The following DPH6 variants were observed in gnomAD, a reference collection of about 807,000 sequenced individuals.
DPH6 encodes the protein diphthamine biosynthesis 6.
In DPH6, 33 loss-of-function variants were observed where a neutral mutation model predicts 38.2. The ratio of observed to expected loss-of-function variants is 0.86; its 90% confidence interval spans 0.65 to 1.15. DPH6 has a LOEUF of 1.15. Among genes scored for constraint, DPH6 ranks in the 50% most tolerant of loss-of-function variants. The pLI, the probability that DPH6 is intolerant of heterozygous loss-of-function variation, is 0.00. For missense variants in DPH6, 325 were observed against 320.0 expected (o/e 1.02, Z -0.12); for synonymous variants, 108 against 103.0 (o/e 1.05, Z -0.30).
intron 3 of DPH6, chr15:35,298,293 T>A: frequency 1.7e-6 from 1 of 582,036 alleles, no homozygotes; most frequent in Non-Finnish European, 3.4e-6. Flanking sequence ...TTCCAAATTG[T>A]AGAAACATGC....
At chr15:35,326,081 T>A (rs571439890), downstream of DPH6, among the ~76,000 whole-genome samples, 1 of 152,192 alleles carries the variant, frequency 6.6e-6, no homozygotes, top group African/African-American at 2.4e-5. Flanking sequence ...ACAAAAACAA[T>A]ACATTGCTGA....
At chr15:35,540,741 C>T (rs1325665263) in intron 2 of DPH6, among the ~76,000 whole-genome samples, 1 of 151,940 alleles carries the variant, frequency 6.6e-6, no homozygotes, top group African/African-American at 2.4e-5. Flanking sequence ...ATTTTACCAC[C>T]CTGCTGGTGA....
chr15:35,278,273 C>T (rs2051872573), intron 3 of DPH6, among the ~76,000 whole-genome samples: 1 of 152,218 alleles, frequency 6.6e-6, no homozygotes, highest in Non-Finnish European at 1.5e-5. Flanking sequence ...GGCTCAAAGG[C>T]CCCAGGTACA....
the DPH6 span, among the ~76,000 whole-genome samples, chr15:35,193,211 A>C: frequency 6.6e-6 from 1 of 151,738 alleles, no homozygotes; most frequent in East Asian, 1.9e-4. Flanking sequence ...CATCAAAATT[A>C]ATTTTTTTTT....
chr15:35,165,518 C>G, the DPH6 span, among the ~76,000 whole-genome samples: 1 of 151,790 alleles, frequency 6.6e-6, no homozygotes, highest in Non-Finnish European at 1.5e-5. Context: ...GGTGTTGAAA[C>G]TCAAATTGTT....
chr15:35,456,805 A>T (rs566797664), intron 3 of DPH6, among the ~76,000 whole-genome samples: 1 of 151,882 alleles, frequency 6.6e-6, no homozygotes, highest in Non-Finnish European at 1.5e-5. Context: ...CTATTAAAAT[A>T]ATAATTGGAA....
chr15:35,216,861 A>G (rs890269173), downstream of DPH6, among the ~76,000 whole-genome samples: 7 of 152,194 alleles, frequency 4.6e-5, no homozygotes, highest in African/African-American at 1.7e-4. Flanking sequence ...GAGGGCCCTT[A>G]TATCTACTGG....
At chr15:35,464,193 CTGAGGCAGGAGAA>C (rs1490674969) in intron 3 of DPH6, among the ~76,000 whole-genome samples, 1 of 151,768 alleles carries the variant, frequency 6.6e-6, no homozygotes, top group African/African-American at 2.4e-5. Flanking sequence ...ACTTGGGAGG[CTGAGGCAGGAGAA>C]TCACTTGAAC....
At chr15:35,153,350 C>T in the DPH6 span, among the ~76,000 whole-genome samples, 1 of 152,048 alleles carries the variant, frequency 6.6e-6, no homozygotes, top group African/African-American at 2.4e-5. Flanking sequence ...TATTTTTCCC[C>T]TCCTCTTATT....
chr15:35,517,006 T>C (rs2054856324), intron 3 of DPH6, among the ~76,000 whole-genome samples: 1 of 152,078 alleles, frequency 6.6e-6, no homozygotes, highest in Non-Finnish European at 1.5e-5. Context: ...CATGAAAAAA[T>C]ATACATACAT....
At chr15:35,170,575 C>G in the DPH6 span, among the ~76,000 whole-genome samples, 2 of 152,070 alleles carry the variant, frequency 1.3e-5, no homozygotes. Flanking sequence ...CTATTCACTA[C>G]AAATAGGTAC....
chr15:35,431,977 A>T (rs560356807), intron 5 of DPH6, among the ~76,000 whole-genome samples: 2 of 152,164 alleles, frequency 1.3e-5, no homozygotes, highest in Non-Finnish European at 2.9e-5. Flanking sequence ...AACTTTTGAC[A>T]AATACCAATC....
At chr15:35,300,532 C>T (rs888134928) in intron 3 of DPH6, among the ~76,000 whole-genome samples, 13 of 151,996 alleles carry the variant, frequency 8.6e-5, no homozygotes, top group African/African-American at 3.1e-4. Flanking sequence ...ATGTAATGGA[C>T]AAAAGAGAAC....
intron 3 of DPH6, among the ~76,000 whole-genome samples, chr15:35,515,593 C>A (rs1050208696): frequency 6.6e-6 from 1 of 151,750 alleles, no homozygotes; most frequent in African/African-American, 2.4e-5. Context: ...CGGTGGCGGG[C>A]GCCTGTAGTC....
intron 3 of DPH6, among the ~76,000 whole-genome samples, chr15:35,342,201 G>A (rs73376725): frequency 0.03 from 4,548 of 152,274 alleles, 228 homozygotes; most frequent in African/African-American, 0.1. Context: ...TGGAGATCCC[G>A]GGACCAGAAT....
At chr15:35,445,193 A>T (rs2053836473) in intron 5 of DPH6, among the ~76,000 whole-genome samples, 1 of 152,136 alleles carries the variant, frequency 6.6e-6, no homozygotes, top group African/African-American at 2.4e-5. Flanking sequence ...ATTCCCTTAA[A>T]TGAATTCCAT....
At chr15:35,352,691 T>C (rs1048344653) in intron 3 of DPH6, among the ~76,000 whole-genome samples, 1 of 152,244 alleles carries the variant, frequency 6.6e-6, no homozygotes, top group African/African-American at 2.4e-5. Context: ...TGTTGGACAT[T>C]TGGCTTGGTT....
chr15:35,495,089 T>G (rs1377574443), intron 3 of DPH6, among the ~76,000 whole-genome samples: 1 of 152,162 alleles, frequency 6.6e-6, no homozygotes, highest in African/African-American at 2.4e-5. Context: ...TATAATTTGA[T>G]AGTATTATGT....
chr15:35,497,459 C>A (rs1186766759), intron 3 of DPH6, among the ~76,000 whole-genome samples: 1 of 152,152 alleles, frequency 6.6e-6, no homozygotes, highest in Non-Finnish European at 1.5e-5. Flanking sequence ...AAAATGTGTT[C>A]CTTTTTCATA....
Sources: allele counts gnomAD v4.1 joint callset (sites outside exome capture counted in the v4.1 genomes callset), GRCh38; gene constraint gnomAD v4.1.1; transcripts MANE v1.5; gene names NCBI Gene and HGNC (gene_info 2026-07-23, HGNC 2026-07-21).